Variants in PDSS2 observed in about 807,000 individuals in gnomAD.
PDSS2 encodes decaprenyl diphosphate synthase subunit 2.
In PDSS2, 31 loss-of-function variants were observed where a neutral mutation model predicts 44.5. The observed-to-expected ratio is 0.70, with a 90% CI of 0.52 to 0.94. PDSS2 has a LOEUF of 0.94. Among genes scored for constraint, PDSS2 ranks in the 40% least tolerant of loss-of-function variants. The probability of loss-of-function intolerance (pLI) is 0.00; values close to 1 mark genes in which losing one functional copy is unlikely to be tolerated. For missense variants in PDSS2, 452 were observed against 482.2 expected (o/e 0.94, Z 0.59); for synonymous variants, 157 against 180.3 (o/e 0.87, Z 1.03).
chr6:107,414,854 A>T (rs1780610299), intron 1 of PDSS2, among the ~76,000 whole-genome samples: 1 of 152,212 alleles, frequency 6.6e-6, no homozygotes, highest in Non-Finnish European at 1.5e-5. Context: ...CAATACATTG[A>T]TCTGAGCCAA....
At chr6:107,302,565 A>G (rs2500592) in intron 2 of PDSS2, among the ~76,000 whole-genome samples, 152,133 of 152,250 alleles carry the variant, frequency 1, 76,008 homozygotes, top group East Asian at 1. Context: ...ACAGTGCCTG[A>G]ATTAAATCTT....
intron 6 of PDSS2, among the ~76,000 whole-genome samples, chr6:107,209,623 T>G (rs973047453): frequency 1.3e-5 from 2 of 150,288 alleles, no homozygotes; most frequent in Admixed American, 6.7e-5. Flanking sequence ...GAGGTTTCAC[T>G]ATGTTGTTGG....
At chr6:107,266,695 A>G (rs761957872) in intron 3 of PDSS2, among the ~76,000 whole-genome samples, 2 of 152,210 alleles carry the variant, frequency 1.3e-5, no homozygotes, top group Non-Finnish European at 2.9e-5. Context: ...TTCAGGCTGA[A>G]TAGTTGCTTG....
intron 3 of PDSS2, among the ~76,000 whole-genome samples, chr6:107,273,270 C>T (rs886599962): frequency 1.3e-5 from 2 of 151,882 alleles, no homozygotes; most frequent in Non-Finnish European, 2.9e-5. Flanking sequence ...AGGAGTGAGC[C>T]ACCACACCTG....
At chr6:107,415,419 C>G (rs1238230892) in intron 1 of PDSS2, among the ~76,000 whole-genome samples, 2 of 152,040 alleles carry the variant, frequency 1.3e-5, no homozygotes, top group African/African-American at 4.8e-5. Context: ...ACCAAAAGTA[C>G]TAGTAAGGCC....
At chr6:107,203,279 T>G (rs1189230941) in intron 6 of PDSS2, among the ~76,000 whole-genome samples, 3 of 152,162 alleles carry the variant, frequency 2.0e-5, no homozygotes, top group Non-Finnish European at 4.4e-5. Flanking sequence ...AATCCTTGTT[T>G]TAGCCTCTGA....
rs1446558243 is a variant in PDSS2, at chr6:107,225,137, T to TATA, written c.703-12856_703-12855insTAT. Among the ~76,000 whole-genome samples the TATA allele has an allele frequency of 5.7e-3, 358 of 62,308 alleles. 19 individuals carry two copies. Among genetic ancestry groups the TATA allele is most frequent in the South Asian group, 9.0e-3 (19 of 2,112 alleles). The allele number at this position is 62,308 out of a possible 152,430, so 40.9% of individuals were successfully genotyped here. On this transcript the variant is annotated intron_variant, in intron 4 of 7. Transcript: ENST00000369037. ...AGGAAGCTTCACTATATATATATTT[T>TATA]TATATATATATATATATATATATAT...
intron 4 of PDSS2, 151 bp from the exon 5 acceptor site, chr6:107,212,433 T>A: frequency 1.6e-6 from 1 of 643,746 alleles, no homozygotes; most frequent in Non-Finnish European, 2.6e-6. Context: ...TAACCTCAGC[T>A]CTACCTAAAA....
At chr6:107,429,901 A>AAAAAAAATATATAT (rs1166637352) in intron 1 of PDSS2, among the ~76,000 whole-genome samples, 16 of 31,820 alleles carry the variant, frequency 5.0e-4, no homozygotes, top group Middle Eastern at 0.016. Flanking sequence ...AAAAAAAAAA[A>AAAAAAAATATATAT]ATATATATAT....
intron 7 of PDSS2, among the ~76,000 whole-genome samples, chr6:107,185,230 T>C (rs1772126785): frequency 6.6e-6 from 1 of 151,972 alleles, no homozygotes; most frequent in Non-Finnish European, 1.5e-5. Context: ...TATAAACTAC[T>C]TAGTGTCTTT....
chr6:107,178,098 A>G (rs1480189836), intron 7 of PDSS2, among the ~76,000 whole-genome samples: 1 of 152,156 alleles, frequency 6.6e-6, no homozygotes, highest in African/African-American at 2.4e-5. Flanking sequence ...CCAAACTACC[A>G]CTATCATCAT....
intron 2 of PDSS2, among the ~76,000 whole-genome samples, chr6:107,300,627 G>A (rs376172846): frequency 6.6e-6 from 1 of 152,186 alleles, no homozygotes. Context: ...GAGAGCACAG[G>A]GGGAGGGACA....
At chr6:107,372,794 T>C (rs1779167780) in intron 1 of PDSS2, among the ~76,000 whole-genome samples, 1 of 151,950 alleles carries the variant, frequency 6.6e-6, no homozygotes, top group Non-Finnish European at 1.5e-5. Flanking sequence ...CCTTCTATAT[T>C]AGAGAGTTTA....
intron 1 of PDSS2, among the ~76,000 whole-genome samples, chr6:107,417,513 C>A (rs973652548): frequency 2.0e-5 from 3 of 152,170 alleles, no homozygotes; most frequent in Non-Finnish European, 2.9e-5. Context: ...AATCCCAGCA[C>A]TTGGGGAGGC....
chr6:107,383,954 G>A (rs186160188), intron 1 of PDSS2, among the ~76,000 whole-genome samples: 1 of 152,240 alleles, frequency 6.6e-6, no homozygotes, highest in East Asian at 1.9e-4. Context: ...ATTCACACAA[G>A]AACTTGTAAA....
chr6:107,386,409 G>C (rs552455291), intron 1 of PDSS2, among the ~76,000 whole-genome samples: 2 of 149,270 alleles, frequency 1.3e-5, no homozygotes, highest in South Asian at 4.2e-4. Context: ...ATTGACAATT[G>C]GATCCTATAT....
chr6:107,253,302 C>T (rs1016123235), intron 3 of PDSS2, among the ~76,000 whole-genome samples: 70 of 152,330 alleles, frequency 4.6e-4, no homozygotes, highest in Middle Eastern at 3.4e-3. Context: ...CTCCCAAGTG[C>T]TGGGATTACA....
intron 1 of PDSS2, among the ~76,000 whole-genome samples, chr6:107,375,307 T>C (rs1280235589): frequency 6.6e-6 from 1 of 151,926 alleles, no homozygotes; most frequent in African/African-American, 2.4e-5. Flanking sequence ...TTTGAAAAGA[T>C]ATATAAACCA....
intron 1 of PDSS2, among the ~76,000 whole-genome samples, chr6:107,387,308 A>G (rs1779642271): frequency 6.6e-6 from 1 of 152,218 alleles, no homozygotes; most frequent in South Asian, 2.1e-4. Flanking sequence ...CACTTGCATG[A>G]CTAAAGCAGC....
Sources: allele counts gnomAD v4.1 joint callset (sites outside exome capture counted in the v4.1 genomes callset), GRCh38; gene constraint gnomAD v4.1.1; transcripts MANE v1.5; gene names NCBI Gene and HGNC (gene_info 2026-07-23, HGNC 2026-07-21).